The following SAFB variants were observed in gnomAD, a reference collection of about 807,000 sequenced individuals.
SAFB encodes scaffold attachment factor B1.
In SAFB, 15 loss-of-function variants were observed where a neutral mutation model predicts 101.6. The ratio of observed to expected loss-of-function variants is 0.15; its 90% CI spans 0.10 to 0.23. SAFB has a LOEUF of 0.23. SAFB is among the 10% of genes least tolerant of loss of function. The pLI, the probability that SAFB is intolerant of heterozygous loss-of-function variation, is 1.00. For missense variants in SAFB, 930 were observed against 1,104.1 expected, an observed-to-expected ratio of 0.84 and a Z score of 2.23; for synonymous variants, 449 against 407.5, an observed-to-expected ratio of 1.10 and a Z score of -1.23.
Position 5,623,230 on chromosome 19 carries a change from G to A in SAFB, c.25G>A (p.Gly9Ser). The A allele has an allele frequency of 6.2e-7, 1 of 1,604,478 alleles. No homozygotes were observed. Among genetic ancestry groups the A allele is most frequent in the Non-Finnish European group, 8.5e-7 (1 of 1,175,858 alleles). The change falls in exon 1 of 21, where the codon GGT becomes AGT. Residue 9 changes from glycine to serine, a missense_variant. By Grantham distance (56) the Gly-to-Ser change is moderately conservative (BLOSUM62 0). Around this residue, in one of 7 missense-constraint regions of SAFB, gnomAD observed 44 missense variants for 35.8 expected, o/e 1.23. Transcript: ENST00000588852. ...AATGGCGGAGACTCTGTCAGGCCTA[G>A]GTGATTCTGGAGCGGCGGGCGCGGC... is the stretch of plus-strand genomic sequence containing the variant. MAETLSGLGDSGAAGAAAL... is the reference protein window; with the variant it reads MAETLSGLSDSGAAGAAAL...
chr19:5,644,298 C>T (rs2145435892), intron 4 of SAFB, among the ~76,000 whole-genome samples: 1 of 152,240 alleles, frequency 6.6e-6, no homozygotes, highest in South Asian at 2.1e-4. Flanking sequence ...CTAGAAAGCA[C>T]CGTAGAGTTA....
At chr19:5,663,681 G>GAGCC (rs1361742630) in intron 15 of SAFB, among the ~76,000 whole-genome samples, 2 of 152,204 alleles carry the variant, frequency 1.3e-5, no homozygotes, top group Non-Finnish European at 2.9e-5. Flanking sequence ...GCACTTGACA[G>GAGCC]AGCCCCTCGG....
rs1178124098 is a variant in SAFB, at chr19:5,639,704, AAAAG to A, written c.275-1887_275-1884del. 2.6e-5 allele frequency among the ~76,000 whole-genome samples: 4 copies of A among 152,176 alleles called. No individual in the cohort carries two copies. The East Asian group carries it at 7.7e-4, about 29-fold the overall frequency. ...CAAGACTCCGTCCCAAAAAAAAAAA[AAAAG>A]AACAGTGAAGTGTACTCAAAACCTG... On this transcript the variant is annotated intron_variant, in intron 2 of 20. Transcript: ENST00000588852.
chr19:5,633,855 G>A (rs1212236422), intron 2 of SAFB, among the ~76,000 whole-genome samples: 1 of 152,064 alleles, frequency 6.6e-6, no homozygotes, highest in Non-Finnish European at 1.5e-5. Flanking sequence ...CAACTCCTGG[G>A]CCAGTACTTG....
chr19:5,634,535 CAAAG>C (rs1003375970), intron 2 of SAFB, among the ~76,000 whole-genome samples: 9 of 151,758 alleles, frequency 5.9e-5, no homozygotes, highest in Non-Finnish European at 1.2e-4. Flanking sequence ...TGAGAAACAA[CAAAG>C]AAAGAGAAAT....
At chr19:5,636,642 T>C (rs1190050718) in intron 2 of SAFB, among the ~76,000 whole-genome samples, 3 of 152,116 alleles carry the variant, frequency 2.0e-5, no homozygotes, top group African/African-American at 7.2e-5. Context: ...CTTTTCTTTT[T>C]TTCTCCCCCC....
chr19:5,646,270 T>C (rs1307851842), intron 5 of SAFB, among the ~76,000 whole-genome samples: 1 of 152,228 alleles, frequency 6.6e-6, no homozygotes, highest in Non-Finnish European at 1.5e-5. Context: ...GCTTCTGCCA[T>C]GCAAGGGCAA....
At chr19:5,660,217 A>T (rs1167859881) in intron 14 of SAFB, among the ~76,000 whole-genome samples, 1 of 151,834 alleles carries the variant, frequency 6.6e-6, no homozygotes, top group African/African-American at 2.4e-5. Flanking sequence ...CATATAACCC[A>T]TGTACATCCT....
chr19:5,650,011 T>C (rs2053901987), intron 8 of SAFB, 36 bp downstream of exon 8: 5 of 1,548,138 alleles, frequency 3.2e-6, no homozygotes, highest in South Asian at 1.1e-5. Context: ...CCTTGGAGCA[T>C]GTATGGCCTG....
chr19:5,646,957 GTC>G (rs1334277357), intron 5 of SAFB, among the ~76,000 whole-genome samples: 1 of 152,204 alleles, frequency 6.6e-6, no homozygotes, highest in Non-Finnish European at 1.5e-5. Context: ...TCTGGTCACA[GTC>G]TGTTACTCTG....
At chr19:5,656,087 T>TA (rs1301773746) in intron 13 of SAFB, among the ~76,000 whole-genome samples, 11 of 152,170 alleles carry the variant, frequency 7.2e-5, no homozygotes, top group African/African-American at 2.7e-4. Flanking sequence ...GTCTTTCAAT[T>TA]ATGATAAGCA....
At chr19:5,660,138 C>T (rs1252072184) in intron 14 of SAFB, among the ~76,000 whole-genome samples, 1 of 152,122 alleles carries the variant, frequency 6.6e-6, no homozygotes, top group Admixed American at 6.6e-5. Context: ...CGACTGGCCT[C>T]AGTACCCTTG....
intron 14 of SAFB, among the ~76,000 whole-genome samples, chr19:5,658,778 G>A (rs1421089494): frequency 6.7e-5 from 10 of 149,828 alleles, no homozygotes. Context: ...GGGAGGCAGA[G>A]CTTGTGGTGA....
chr19:5,623,440 C>T lies in SAFB; in HGVS notation c.189+46C>T, dbSNP rs2053239589. 10 of 1,521,752 alleles carry T rather than the reference C, an allele frequency of 6.6e-6. No individual in the cohort carries two copies. In the East Asian group the frequency reaches 1.7e-4, roughly 26 times the overall value. 94.3% of individuals were successfully genotyped at this position (1,521,752 alleles called of 1,614,324 possible). A position where few individuals can be genotyped will look rare whatever the true frequency, so the allele number is the denominator to read the frequency against. On this transcript the variant is annotated intron_variant, in intron 1 of 20. Coordinates refer to ENST00000588852, the MANE Select transcript of SAFB (RefSeq NM_001201338.2). ...GCGGGCACAGGGTGGGTCTGGGGTCCTCTTGGCCGCGACGGTGGCTCGCGG... is the reference window on the plus strand; with the variant it reads ...GCGGGCACAGGGTGGGTCTGGGGTCTTCTTGGCCGCGACGGTGGCTCGCGG...
chr19:5,648,591 C>T (rs1486588611), intron 6 of SAFB, among the ~76,000 whole-genome samples: 1 of 152,158 alleles, frequency 6.6e-6, no homozygotes, highest in Non-Finnish European at 1.5e-5. Context: ...TCATGTTGGA[C>T]TGTTCTGTTA....
intron 15 of SAFB, among the ~76,000 whole-genome samples, chr19:5,662,451 G>C (rs1280836038): frequency 3.3e-5 from 5 of 151,374 alleles, no homozygotes; most frequent in African/African-American, 1.2e-4. Flanking sequence ...CCAAGATCGT[G>C]CCACTGCACT....
chr19:5,626,345 C>T, intron 1 of SAFB, 60 bp from the exon 2 acceptor site: 2 of 956,680 alleles, frequency 2.1e-6, no homozygotes, highest in South Asian at 2.6e-5. Context: ...CCTGAGAGCT[C>T]TCTGAAAGCA....
rs76149029 is a variant in SAFB, at chr19:5,625,631, G to A, written c.190-774G>A. 1.0e-3 allele frequency among the ~76,000 whole-genome samples: 154 copies of A among 152,354 alleles called. 4 individuals carry two copies. The East Asian group carries it at 0.025, about 25-fold the overall frequency. On this transcript the variant is annotated intron_variant, in intron 1 of 20. Transcript: ENST00000588852. ...AAGCTAAGTTTCTAGGGACGTCATC[G>A]TGATTGACGTGTTCGGTACTGATGG... is the stretch of plus-strand genomic sequence containing the variant.
intron 14 of SAFB, among the ~76,000 whole-genome samples, chr19:5,657,560 C>T (rs1293934525): frequency 1.3e-5 from 2 of 152,154 alleles, no homozygotes; most frequent in African/African-American, 4.8e-5. Context: ...CAGAGTCTTG[C>T]TGTGTCGCGC....
Sources: gnomAD v4.1 joint callset for allele counts (sites outside exome capture counted in the v4.1 genomes callset) on GRCh38, gnomAD v4.1.1 for gene constraint, gnomAD v4.1.1 regional missense constraint, MANE v1.5 for transcripts, NCBI Gene and HGNC (gene_info 2026-07-23, HGNC 2026-07-21) for gene names.